TANC1: variants seen among roughly 807,000 people sequenced by gnomAD.
The protein encoded by TANC1 is protein TANC1.
Under a neutral mutation model 149.7 loss-of-function variants are expected in TANC1, and 77 were observed. That is an observed-to-expected ratio of 0.51 (90% CI 0.43 to 0.62). TANC1 has a LOEUF of 0.62. Among genes scored for constraint, TANC1 ranks in the 20% least tolerant of loss-of-function variants. The pLI, the probability that TANC1 is intolerant of heterozygous loss-of-function variation, is 0.00. For synonymous variants in TANC1, 854 were observed against 925.0 expected (o/e 0.92, Z 1.39); for missense variants, 1,985 against 2,321.8 (o/e 0.85, Z 2.98).
chr2:158,980,505 G>A (rs549794027), intron 1 of TANC1, among the ~76,000 whole-genome samples: 4 of 151,968 alleles, frequency 2.6e-5, no homozygotes, highest in Admixed American at 6.6e-5. Context: ...GGCTGGGCGC[G>A]GTGGCTCACA....
chr2:159,036,350 G>A (rs1018407177), intron 2 of TANC1, among the ~76,000 whole-genome samples: 11 of 152,066 alleles, frequency 7.2e-5, no homozygotes, highest in Admixed American at 5.2e-4. Flanking sequence ...GTGAGTTGAG[G>A]CTTTTTGTAA....
intron 16 of TANC1, among the ~76,000 whole-genome samples, chr2:159,191,155 G>A (rs2057412638): frequency 3.3e-5 from 5 of 151,914 alleles, no homozygotes; most frequent in South Asian, 4.2e-4. Context: ...CGGGGTGGTG[G>A]TCAGGTGGTT....
intron 7 of TANC1, among the ~76,000 whole-genome samples, chr2:159,155,355 C>T (rs1339756839): frequency 2.0e-5 from 3 of 152,160 alleles, no homozygotes; most frequent in Admixed American, 6.5e-5. Flanking sequence ...AGGGAGGGGC[C>T]GTTAAGTCAG....
rs780512659 is a variant in TANC1, at chr2:159,103,824, G to A, written c.259+5990G>A. ...CCTGATCCTCCATGCTGTCCCCAGC[G>A]TCTTCTCTTATGTCAGCCAGCCTGT... On this transcript the variant is annotated intron_variant, in intron 4 of 26. Transcript: ENST00000263635. Among the ~76,000 whole-genome samples the A allele has an allele frequency of 5.2e-5, 5 of 96,898 alleles. 1 individual carries two copies. Among genetic ancestry groups the A allele is most frequent in the Non-Finnish European group, 1.2e-4 (4 of 34,622 alleles). 63.6% of individuals were successfully genotyped at this position (96,898 alleles called of 152,430 possible). A position where few individuals can be genotyped will look rare whatever the true frequency, so the allele number is the denominator to read the frequency against.
intron 4 of TANC1, among the ~76,000 whole-genome samples, chr2:159,128,244 C>T (rs1454732502): frequency 2.0e-5 from 3 of 152,188 alleles, no homozygotes; most frequent in Non-Finnish European, 2.9e-5. Context: ...GCCCCAGGCC[C>T]TTGTAAAAGT....
intron 22 of TANC1, among the ~76,000 whole-genome samples, chr2:159,222,962 G>GT (rs1229412525): frequency 6.6e-6 from 1 of 152,192 alleles, no homozygotes; most frequent in Non-Finnish European, 1.5e-5. Context: ...CTGAAGTGCA[G>GT]TGGTAGAATT....
intron 1 of TANC1, among the ~76,000 whole-genome samples, chr2:158,997,607 C>T (rs552517622): frequency 1.9e-4 from 29 of 152,090 alleles, no homozygotes; most frequent in African/African-American, 4.3e-4. Context: ...GAAGTGCTCA[C>T]GAAACAAAGG....
Position 159,172,260 on chromosome 2 carries a change from T to C in TANC1, c.1491T>C (p.Tyr497=), listed in dbSNP as rs754224493. The change falls in exon 11 of 27, where the codon TAT becomes TAC. Residue 497 remains tyrosine, a synonymous_variant. Transcript: ENST00000263635. The stretch of plus-strand genomic sequence containing the variant: ...GACCAAGAGAGGATGCAGTGAAATA[T>C]CTTGCTTCTAAGGTAATCTTTCTTG... ...NQRPREDAVK[Y]LASKVVAYHY... is the part of the protein sequence containing the mutation. 6.2e-6 allele frequency: 10 copies of C among 1,613,946 alleles called. No homozygotes were observed. In the East Asian group the frequency reaches 2.0e-4, roughly 32 times the overall value.
rs563565400 is a variant in TANC1 at position 159,139,194 on chromosome 2, C to T, written c.364+2896C>T. Among the ~76,000 whole-genome samples the T allele has an allele frequency of 3.9e-5, 6 of 152,090 alleles. 1 individual carries two copies. In the South Asian group the frequency reaches 1.2e-3, roughly 32 times the overall value. The stretch of plus-strand genomic sequence containing the variant: ...AACAGCCTGAGCAGCATAGTGAGAC[C>T]TTGTCTCTTTAAAAAAGAAAGGAAG... On this transcript the variant is annotated intron_variant, in intron 5 of 26. Coordinates refer to ENST00000263635, the MANE Select transcript of TANC1 (RefSeq NM_033394.3).
rs182716339 is a variant in TANC1, at chr2:159,065,712, C to G, written c.-15-184C>G. Among the ~76,000 whole-genome samples, 30 of 151,482 alleles carry G rather than the reference C, an allele frequency of 2.0e-4. No individual in the cohort carries two copies. In the East Asian group the frequency reaches 5.8e-3, roughly 29 times the overall value. ...CTTCATTAAAAGTTATAGAACATTC[C>G]TTGTGTCTTCAGCATTTAGTTTCCC... On this transcript the variant is annotated intron_variant, in intron 2 of 26. Coordinates refer to ENST00000263635, the MANE Select transcript of TANC1 (RefSeq NM_033394.3).
rs1452164414 is a variant in TANC1 at position 159,232,228 on chromosome 2, C to T, written c.*1216C>T. The stretch of plus-strand genomic sequence containing the variant: ...GTAAAGATAAGGTACAGGAATGAAC[C>T]TTGGTTTAAAGGTATTTTTATATGA... On this transcript the variant is annotated 3_prime_UTR_variant, in exon 27 of 27. Transcript: ENST00000263635. 2 of 152,444 alleles carry T rather than the reference C, an allele frequency of 1.3e-5. No homozygotes were observed. The highest frequency in any genetic ancestry group is 1.3e-4 in the Admixed American group (2 of 15,258). The allele number at this position is 152,444 out of a possible 1,614,324, so 9.4% of individuals were successfully genotyped here.
intron 2 of TANC1, among the ~76,000 whole-genome samples, chr2:159,030,011 T>C (rs2039654617): frequency 6.6e-6 from 1 of 152,194 alleles, no homozygotes; most frequent in African/African-American, 2.4e-5. Context: ...GATCATGTCT[T>C]CAATAACACT....
At position 159,230,025 on chromosome 2, in the gene TANC1, C is replaced by T. The variant is rs768990864; in HGVS notation, c.4599C>T (p.Ile1533=). ...LLLQPSKQAQ[I]VKTSQHLGSG... The stretch of plus-strand genomic sequence containing the variant: ...TGCAGCCCTCCAAGCAGGCCCAGAT[C>T]GTGAAAACCAGCCAGCACCTGGGCT... Residue 1533 remains isoleucine (I), a synonymous_variant, in exon 27 of 27, where the codon ATC becomes ATT. Coordinates refer to ENST00000263635, the MANE Select transcript of TANC1 (RefSeq NM_033394.3). The surrounding 1 kb of genome is among the most constrained non-coding windows in gnomAD (Gnocchi z 4.4). 6 of 1,614,046 alleles carry T rather than the reference C, an allele frequency of 3.7e-6. No homozygotes were observed. The highest frequency in any genetic ancestry group is 1.1e-5 in the South Asian group (1 of 91,082).
At chr2:159,219,103 C>G in intron 20 of TANC1, 135 bp from the exon 21 acceptor site, 1 of 1,166,316 alleles carries the variant, frequency 8.6e-7, no homozygotes, top group Non-Finnish European at 1.3e-6. Context: ...TTTCCAGGCC[C>G]CATGGTTCAC....
At chr2:159,132,374 G>C (rs974170422) in intron 4 of TANC1, among the ~76,000 whole-genome samples, 1 of 152,180 alleles carries the variant, frequency 6.6e-6, no homozygotes. Context: ...TTTGTGCGTG[G>C]ATTTTCCCCT....
At position 158,998,095 on chromosome 2, in the gene TANC1, C is replaced by T. The variant is rs377342320; in HGVS notation, c.-125-2985C>T. Among the ~76,000 whole-genome samples the T allele has an allele frequency of 1.3e-4, 20 of 152,120 alleles. No individual in the cohort carries two copies. The South Asian group carries it at 1.7e-3, about 13-fold the overall frequency. ...GCAACGTAGCAAGACCCCATGTCTA[C>T]GAAAAATAAAATTTAAAACTTAGCT... On this transcript the variant is annotated intron_variant, in intron 1 of 26. Transcript: ENST00000263635.
chr2:159,046,049 T>C (rs145049122), intron 2 of TANC1, among the ~76,000 whole-genome samples: 415 of 152,286 alleles, frequency 2.7e-3, no homozygotes, highest in African/African-American at 9.6e-3. Flanking sequence ...AATAGCAATT[T>C]AAGTGTATTG....
intron 18 of TANC1, 35 bp from the exon 19 acceptor site, chr2:159,198,940 G>C (rs541915644): frequency 1.3e-6 from 2 of 1,529,662 alleles, no homozygotes; most frequent in South Asian, 1.1e-5. Flanking sequence ...CTCTTGCTAA[G>C]AGAACTCATT....
intron 7 of TANC1, among the ~76,000 whole-genome samples, chr2:159,156,275 A>G (rs1039940032): frequency 1.3e-5 from 2 of 152,190 alleles, no homozygotes; most frequent in African/African-American, 4.8e-5. Flanking sequence ...TTAATTATAG[A>G]AGCCTTTTTT....
Sources: gnomAD v4.1 joint callset for allele counts (sites outside exome capture counted in the v4.1 genomes callset) on GRCh38, gnomAD v4.1.1 for gene constraint, Gnocchi (gnomAD v3.1) non-coding constraint, MANE v1.5 for transcripts, NCBI Gene and HGNC (gene_info 2026-07-23, HGNC 2026-07-21) for gene names.